Variants in GRID1 observed in about 807,000 individuals in gnomAD.
GRID1 encodes glutamate receptor ionotropic, delta-1.
Under a neutral mutation model 98.0 loss-of-function variants are expected in GRID1, and 28 were observed. The observed-to-expected ratio is 0.29, with a 90% CI of 0.21 to 0.39. The LOEUF (loss-of-function observed/expected upper bound fraction) is 0.39, where lower values mean the gene tolerates loss of function less well. Ranked by LOEUF, GRID1 falls within the 10% of genes least tolerant of loss-of-function variation. The probability of loss-of-function intolerance (pLI) is 1.00; values close to 1 mark genes in which losing one functional copy is unlikely to be tolerated. For synonymous variants in GRID1, 553 were observed against 538.5 expected (o/e 1.03, Z -0.37); for missense variants, 1,111 against 1,340.5 (o/e 0.83, Z 2.67).
In GRID1 at chr10:85,916,231, C is replaced by T. The variant is rs985612483; in HGVS notation, c.735G>A (p.Glu245=). 2.5e-6 allele frequency: 4 copies of T among 1,612,628 alleles called. No homozygotes were observed. The highest frequency in any genetic ancestry group is 1.7e-5 in the Admixed American group (1 of 59,996). ...GGCTGTCCTTGGAAGCCAGGTTGGT[C>T]TCCACGGCCTGCAGAGAGAAAAAGA... is the stretch of plus-strand genomic sequence containing the variant. ...GAHSFINEAV[E]TNLASKDSHW... Residue 245 remains glutamate (E), a synonymous_variant, in exon 5 of 16, where the codon GAG becomes GAA. Transcript: ENST00000327946. This position sits in a 1 kb window ranked among gnomAD's most constrained non-coding sequence, Gnocchi z 4.0.
At chr10:85,977,634 G>A (rs1037155797) in intron 4 of GRID1, among the ~76,000 whole-genome samples, 7 of 152,218 alleles carry the variant, frequency 4.6e-5, no homozygotes, top group South Asian at 2.1e-4. Flanking sequence ...CAGAGCCTGG[G>A]AGTGCTCCCT....
At chr10:86,027,791 TA>T (rs1292197105) in intron 4 of GRID1, among the ~76,000 whole-genome samples, 1 of 152,250 alleles carries the variant, frequency 6.6e-6, no homozygotes, top group African/African-American at 2.4e-5. Context: ...TCAGGTTTCC[TA>T]ATTGATTTAT....
intron 2 of GRID1, among the ~76,000 whole-genome samples, chr10:86,231,632 G>A (rs574959949): frequency 2.6e-5 from 4 of 152,144 alleles, no homozygotes; most frequent in Admixed American, 2.6e-4. Flanking sequence ...TTTCCCATTT[G>A]ATAAATGGGA....
chr10:85,949,993 T>C (rs187178430), intron 4 of GRID1, among the ~76,000 whole-genome samples: 1 of 151,796 alleles, frequency 6.6e-6, no homozygotes, highest in East Asian at 1.9e-4. Context: ...GATAGATGGG[T>C]GACTGGATGA....
intron 2 of GRID1, among the ~76,000 whole-genome samples, chr10:86,248,501 G>C (rs2814349): frequency 0.82 from 124,079 of 151,544 alleles, 51,519 homozygotes; most frequent in Non-Finnish European, 0.87. Flanking sequence ...CGTACAAAAC[G>C]TTGGATAAAT....
At chr10:85,680,007 G>A (rs1415441344) in intron 12 of GRID1, among the ~76,000 whole-genome samples, 3 of 152,154 alleles carry the variant, frequency 2.0e-5, no homozygotes, top group Non-Finnish European at 4.4e-5. Context: ...AGGCTCCTAT[G>A]CATGCAGCAC....
intron 2 of GRID1, among the ~76,000 whole-genome samples, chr10:86,288,336 C>T (rs78830289): frequency 0.016 from 2,490 of 152,298 alleles, 63 homozygotes; most frequent in African/African-American, 0.056. Flanking sequence ...TCTCCAGTCT[C>T]CAGAGACAAT....
chr10:85,716,810 A>C (rs1841645131), intron 12 of GRID1, among the ~76,000 whole-genome samples: 1 of 151,498 alleles, frequency 6.6e-6, no homozygotes, highest in Non-Finnish European at 1.5e-5. Context: ...ATGTTACGTT[A>C]ACTCAAATAT....
intron 12 of GRID1, among the ~76,000 whole-genome samples, chr10:85,697,292 T>C (rs1340510493): frequency 4.9e-5 from 5 of 101,758 alleles, no homozygotes; most frequent in African/African-American, 2.0e-4. Flanking sequence ...ATAAACTTTG[T>C]TGCTCCATTT....
intron 12 of GRID1, among the ~76,000 whole-genome samples, chr10:85,707,744 GA>G (rs1378282398): frequency 6.6e-6 from 1 of 152,054 alleles, no homozygotes; most frequent in Non-Finnish European, 1.5e-5. Flanking sequence ...CTGGATTAAG[GA>G]AATGTGGCAC....
chr10:85,608,716 A>G (rs1183110354), intron 15 of GRID1, among the ~76,000 whole-genome samples: 4 of 152,174 alleles, frequency 2.6e-5, no homozygotes, highest in Non-Finnish European at 5.9e-5. Context: ...CATTACTGGC[A>G]ATGTGGAGCA....
intron 3 of GRID1, among the ~76,000 whole-genome samples, chr10:86,200,193 C>T (rs879584408): frequency 2.0e-5 from 3 of 152,106 alleles, no homozygotes; most frequent in Non-Finnish European, 2.9e-5. Context: ...CCTATTTAAG[C>T]ACCTGTTTAA....
At chr10:86,129,293 T>G (rs1844800532) in intron 4 of GRID1, among the ~76,000 whole-genome samples, 1 of 152,204 alleles carries the variant, frequency 6.6e-6, no homozygotes, top group African/African-American at 2.4e-5. Context: ...TCACCTAGTC[T>G]GCTCTGTGTC....
chr10:85,962,975 G>A (rs544976403), intron 4 of GRID1, among the ~76,000 whole-genome samples: 1 of 152,178 alleles, frequency 6.6e-6, no homozygotes, highest in African/African-American at 2.4e-5. Flanking sequence ...TATGCTAAGT[G>A]CTCTGCTAGG....
At chr10:86,228,736 C>T (rs974517794) in intron 2 of GRID1, among the ~76,000 whole-genome samples, 6 of 79,622 alleles carry the variant, frequency 7.5e-5, no homozygotes, top group African/African-American at 1.9e-4. Context: ...GAGACACCCA[C>T]ACACACACAT....
At chr10:85,676,416 T>C (rs1450231563) in intron 12 of GRID1, among the ~76,000 whole-genome samples, 2 of 152,192 alleles carry the variant, frequency 1.3e-5, no homozygotes, top group Non-Finnish European at 2.9e-5. Flanking sequence ...GGAGCTAGTT[T>C]CCACCTGATA....
At chr10:85,986,665 G>A (rs1305401823) in intron 4 of GRID1, among the ~76,000 whole-genome samples, 2 of 152,184 alleles carry the variant, frequency 1.3e-5, no homozygotes, top group Non-Finnish European at 2.9e-5. Flanking sequence ...GAGATGCCAG[G>A]CTTCCAAAAT....
intron 3 of GRID1, among the ~76,000 whole-genome samples, chr10:86,187,159 T>C (rs1334506307): frequency 6.6e-6 from 1 of 152,172 alleles, no homozygotes; most frequent in Non-Finnish European, 1.5e-5. Flanking sequence ...CTCAGACCTC[T>C]TTTGCCACTT....
intron 8 of GRID1, among the ~76,000 whole-genome samples, chr10:85,772,717 A>T (rs1842285276): frequency 6.6e-6 from 1 of 152,200 alleles, no homozygotes. Context: ...AAACTAGAAA[A>T]TCTAGAAGAA....
Sources: allele counts gnomAD v4.1 joint callset (sites outside exome capture counted in the v4.1 genomes callset), GRCh38; gene constraint gnomAD v4.1.1; non-coding constraint Gnocchi (gnomAD v3.1); transcripts MANE v1.5; gene names NCBI Gene and HGNC (gene_info 2026-07-23, HGNC 2026-07-21).